The following ERBB4 variants were observed in gnomAD, a reference collection of about 807,000 sequenced individuals.
ERBB4 encodes the protein erb-b2 receptor tyrosine kinase 4.
Under a neutral mutation model 158.0 loss-of-function variants are expected in ERBB4, and 42 were observed. That is an observed-to-expected ratio of 0.27 (90% CI 0.21 to 0.34). The LOEUF is 0.34. Among genes scored for constraint, ERBB4 ranks in the 10% least tolerant of loss-of-function variants. ERBB4 has a pLI of 1.00. For missense variants in ERBB4, 1,333 were observed against 1,624.1 expected (o/e 0.82, Z 3.08); for synonymous variants, 583 against 558.7 (o/e 1.04, Z -0.61).
intron 2 of ERBB4, among the ~76,000 whole-genome samples, chr2:211,983,657 A>G (rs1299299276): frequency 1.3e-5 from 2 of 152,184 alleles, no homozygotes; most frequent in Admixed American, 1.3e-4. Flanking sequence ...ATTTAGAAAT[A>G]AAAGAAAACA....
At chr2:212,133,435 G>C (rs938916153) in intron 1 of ERBB4, among the ~76,000 whole-genome samples, 1 of 99,330 alleles carries the variant, frequency 1.0e-5, no homozygotes, top group African/African-American at 4.8e-5. Context: ...TTTTTTTTTT[G>C]CTATGTGAAT....
At chr2:212,052,652 T>C (rs573909896) in intron 2 of ERBB4, among the ~76,000 whole-genome samples, 3 of 152,266 alleles carry the variant, frequency 2.0e-5, no homozygotes, top group Admixed American at 6.5e-5. Flanking sequence ...ACCCTTTTGG[T>C]CTTGAAACTC....
chr2:211,538,231 A>G (rs1818753), intron 20 of ERBB4, among the ~76,000 whole-genome samples: 50,326 of 151,558 alleles, frequency 0.33, 9,020 homozygotes, highest in East Asian at 0.65. Context: ...GCAATACTTC[A>G]CGCAGGAGAT....
At chr2:211,731,297 A>G (rs748043639) in intron 5 of ERBB4, among the ~76,000 whole-genome samples, 7 of 152,096 alleles carry the variant, frequency 4.6e-5, no homozygotes, top group Non-Finnish European at 1.0e-4. Flanking sequence ...TCATACCTCT[A>G]TGCTGCCTCT....
chr2:211,392,587 CA>C (rs2062823013), intron 25 of ERBB4, among the ~76,000 whole-genome samples: 1 of 151,206 alleles, frequency 6.6e-6, no homozygotes, highest in African/African-American at 2.4e-5. Context: ...CACACACACA[CA>C]CACACACACA....
intron 20 of ERBB4, among the ~76,000 whole-genome samples, chr2:211,515,049 A>G (rs1489152398): frequency 6.6e-6 from 1 of 152,188 alleles, no homozygotes; most frequent in Non-Finnish European, 1.5e-5. Context: ...AAGGCTTCAT[A>G]TAGCAGGTTA....
intron 1 of ERBB4, among the ~76,000 whole-genome samples, chr2:212,322,455 A>G (rs1344909168): frequency 6.7e-6 from 1 of 149,088 alleles, no homozygotes; most frequent in East Asian, 1.9e-4. Context: ...CTATTTTAAA[A>G]ACTATTTTAT....
chr2:211,924,376 C>A (rs2079958628), intron 3 of ERBB4, among the ~76,000 whole-genome samples: 1 of 152,052 alleles, frequency 6.6e-6, no homozygotes, highest in Non-Finnish European at 1.5e-5. Context: ...ACAATGAACA[C>A]TATTTGGGTG....
chr2:212,267,545 A>G (rs2085182121), intron 1 of ERBB4, among the ~76,000 whole-genome samples: 1 of 151,652 alleles, frequency 6.6e-6, no homozygotes, highest in Non-Finnish European at 1.5e-5. Context: ...TCATTGGTTT[A>G]CATTAATAAA....
At chr2:212,301,650 C>T (rs2086626996) in intron 1 of ERBB4, among the ~76,000 whole-genome samples, 2 of 151,206 alleles carry the variant, frequency 1.3e-5, no homozygotes, top group Non-Finnish European at 3.0e-5. Context: ...AGTACTGATG[C>T]ATATGGATTC....
At chr2:212,315,437 CATAATT>C (rs1177300891) in intron 1 of ERBB4, among the ~76,000 whole-genome samples, 2 of 151,394 alleles carry the variant, frequency 1.3e-5, no homozygotes, top group African/African-American at 4.8e-5. Context: ...ATATCACACA[CATAATT>C]ATTATTTTTC....
At chr2:211,939,107 A>G (rs148493136) in intron 3 of ERBB4, among the ~76,000 whole-genome samples, 5,249 of 152,282 alleles carry the variant, frequency 0.034, 133 homozygotes, top group Middle Eastern at 0.088. Flanking sequence ...TTATATAATG[A>G]TCAAAACAAA....
chr2:211,935,591 G>A (rs1003893580), intron 3 of ERBB4, among the ~76,000 whole-genome samples: 3 of 151,796 alleles, frequency 2.0e-5, no homozygotes, highest in African/African-American at 7.3e-5. Context: ...CTGGTTCTGA[G>A]GCCTTCAAAC....
At chr2:211,662,537 T>C (rs2071468002) in intron 15 of ERBB4, among the ~76,000 whole-genome samples, 1 of 152,214 alleles carries the variant, frequency 6.6e-6, no homozygotes, top group South Asian at 2.1e-4. Flanking sequence ...TATCACTGTA[T>C]GTGATGCAGA....
chr2:211,907,194 A>G (rs1455222536), intron 3 of ERBB4, among the ~76,000 whole-genome samples: 2 of 151,800 alleles, frequency 1.3e-5, no homozygotes, highest in Non-Finnish European at 2.9e-5. Context: ...AGAAAAATAT[A>G]TTGACAAGGC....
chr2:212,075,551 T>C (rs958315309), intron 2 of ERBB4, among the ~76,000 whole-genome samples: 1 of 151,870 alleles, frequency 6.6e-6, no homozygotes, highest in African/African-American at 2.4e-5. Flanking sequence ...TCAGAGCCAG[T>C]GGGTCAGAGA....
rs1448656120 is a variant in ERBB4, at chr2:211,628,618, C to T, written c.2079+1844G>A. Among the ~76,000 whole-genome samples, 23 of 152,194 alleles carry T rather than the reference C, an allele frequency of 1.5e-4. No homozygotes were observed. In the East Asian group the frequency reaches 3.5e-3, roughly 23 times the overall value. ...AAGTCTTTGCTATTGTGAATAGTGCCGCAATAAACATACATGTGCATGTGT... is the reference window on the plus strand; with the variant it reads ...AAGTCTTTGCTATTGTGAATAGTGCTGCAATAAACATACATGTGCATGTGT... On this transcript the variant is annotated intron_variant, in intron 17 of 27. Coordinates refer to ENST00000342788, the MANE Select transcript of ERBB4 (RefSeq NM_005235.3).
intron 2 of ERBB4, among the ~76,000 whole-genome samples, chr2:212,077,739 C>T (rs925103441): frequency 6.6e-6 from 1 of 151,924 alleles, no homozygotes; most frequent in Non-Finnish European, 1.5e-5. Context: ...ATGAATTTAA[C>T]ATTTATGCTT....
chr2:212,206,946 C>A (rs1462809220), intron 1 of ERBB4, among the ~76,000 whole-genome samples: 1 of 149,150 alleles, frequency 6.7e-6, no homozygotes, highest in African/African-American at 2.5e-5. Context: ...CCATAAGTAG[C>A]ATGATCAATT....
Sources: allele counts gnomAD v4.1 joint callset (sites outside exome capture counted in the v4.1 genomes callset), GRCh38; gene constraint gnomAD v4.1.1; transcripts MANE v1.5; gene names NCBI Gene and HGNC (gene_info 2026-07-23, HGNC 2026-07-21).